GAREM1: variants seen among roughly 807,000 people sequenced by gnomAD.
GAREM1 encodes the protein GRB2-associated and regulator of MAPK protein 1.
Under a neutral mutation model 71.3 loss-of-function variants are expected in GAREM1, and 26 were observed. The observed-to-expected ratio is 0.36, with a 90% CI of 0.27 to 0.51. GAREM1 has a LOEUF of 0.51. GAREM1 is among the 20% of genes least tolerant of loss of function. The pLI, the probability that GAREM1 is intolerant of heterozygous loss-of-function variation, is 0.95. For missense variants in GAREM1, 1,026 were observed against 1,103.1 expected (o/e 0.93, Z 0.99); for synonymous variants, 440 against 433.2 (o/e 1.02, Z -0.20).
intron 2 of GAREM1, among the ~76,000 whole-genome samples, chr18:32,345,559 A>G (rs1405747082): frequency 1.3e-5 from 2 of 152,222 alleles, no homozygotes; most frequent in African/African-American, 2.4e-5. Flanking sequence ...TCTCTCTACA[A>G]CCTTGATAAG....
Position 32,391,141 on chromosome 18 carries a change from C to T in GAREM1, c.262+1754G>A, listed in dbSNP as rs560657429. On this transcript the variant is annotated intron_variant, in intron 2 of 5. Transcript: ENST00000269209. ...CACATCAGGAGACCATGTGGGGCTG[C>T]GGAGGACGGCTGAACCCTCCTGATG... Among the ~76,000 whole-genome samples, 14 of 152,228 alleles carry T rather than the reference C, an allele frequency of 9.2e-5. No homozygotes were observed. In the South Asian group the frequency reaches 1.2e-3, roughly 14 times the overall value.
intron 1 of GAREM1, among the ~76,000 whole-genome samples, chr18:32,439,538 T>C (rs1321528478): frequency 7.9e-5 from 12 of 152,134 alleles, no homozygotes; most frequent in Non-Finnish European, 7.4e-5. Flanking sequence ...ACATAGCAGA[T>C]TGACAACCCT....
chr18:32,393,186 T>C, intron 1 of GAREM1, 151 bp from the exon 2 acceptor site: 1 of 704,532 alleles, frequency 1.4e-6, no homozygotes, highest in Non-Finnish European at 2.2e-6. Context: ...AATTGTTTTT[T>C]TTTTTTTTTT....
intron 3 of GAREM1, among the ~76,000 whole-genome samples, chr18:32,305,858 C>T (rs913328739): frequency 3.3e-5 from 5 of 152,164 alleles, no homozygotes; most frequent in African/African-American, 1.2e-4. Flanking sequence ...ACCTGTCACT[C>T]ACTCTAGGGC....
chr18:32,286,913 A>G, intron 4 of GAREM1, 118 bp downstream of exon 4: 1 of 736,842 alleles, frequency 1.4e-6, no homozygotes, highest in Non-Finnish European at 2.3e-6. Flanking sequence ...ACTCCAAACT[A>G]AACAAATTTG....
At chr18:32,381,569 T>C (rs1384870263) in intron 2 of GAREM1, among the ~76,000 whole-genome samples, 1 of 152,176 alleles carries the variant, frequency 6.6e-6, no homozygotes. Flanking sequence ...GATCAGGTGT[T>C]CATTATCTTT....
chr18:32,311,285 G>C (rs1477793631), intron 2 of GAREM1, among the ~76,000 whole-genome samples: 1 of 152,076 alleles, frequency 6.6e-6, no homozygotes, highest in Admixed American at 6.5e-5. Context: ...AACTTAAAAG[G>C]AATTAAAAGC....
intron 2 of GAREM1, among the ~76,000 whole-genome samples, chr18:32,328,830 T>C (rs142276156): frequency 7.2e-4 from 110 of 152,310 alleles, no homozygotes; most frequent in African/African-American, 2.6e-3. Context: ...AAGGATTTTC[T>C]GTTCAATTAA....
In GAREM1 at chr18:32,470,829, T is replaced by A. The variant is rs2049048172; in HGVS notation, c.-401A>T. 3.3e-5 allele frequency among the ~76,000 whole-genome samples: 5 copies of A among 149,892 alleles called. No homozygotes were observed. Among genetic ancestry groups the A allele is most frequent in the Admixed American group, 3.3e-4 (5 of 15,090 alleles). Reference sequence around the variant, plus strand: ...CCTCCTTCCCTCCGCCTCGAGCGTGTGAGGAGGAGCCGCGGGTCTGAGAAA... The same window carrying A: ...CCTCCTTCCCTCCGCCTCGAGCGTGAGAGGAGGAGCCGCGGGTCTGAGAAA... On this transcript the variant is annotated 5_prime_UTR_variant, in exon 1 of 6. Transcript: ENST00000269209. The surrounding 1 kb of genome is among the most constrained non-coding windows in gnomAD (Gnocchi z 4.4).
chr18:32,461,589 G>A (rs1037833715), intron 1 of GAREM1, among the ~76,000 whole-genome samples: 2 of 152,042 alleles, frequency 1.3e-5, no homozygotes, highest in African/African-American at 4.8e-5. Context: ...CAGTTACTCG[G>A]GAAGCTGAGG....
At chr18:32,419,601 G>A (rs2048501345) in intron 1 of GAREM1, among the ~76,000 whole-genome samples, 1 of 152,158 alleles carries the variant, frequency 6.6e-6, no homozygotes, top group African/African-American at 2.4e-5. Context: ...TTGTTTATAA[G>A]CCACCTGGTC....
At chr18:32,369,790 T>C (rs2047959339) in intron 2 of GAREM1, among the ~76,000 whole-genome samples, 1 of 152,170 alleles carries the variant, frequency 6.6e-6, no homozygotes, top group South Asian at 2.1e-4. Context: ...TCTGACACAA[T>C]CATCATCATT....
chr18:32,270,264 G>C lies in GAREM1; in HGVS notation c.1686C>G (p.Arg562=). Reference sequence around the variant, plus strand: ...AGTAGGACAAGGTGGGGCTGGGAGAGCGAGTCTGTTGCCGCGCTGGCTTGA... The same window carrying C: ...AGTAGGACAAGGTGGGGCTGGGAGACCGAGTCTGTTGCCGCGCTGGCTTGA... ...RTVKPARQQT[R]SPSPTLSYYS... The change falls in exon 5 of 6, where the codon CGC becomes CGG. Residue 562 remains arginine, a synonymous_variant. Coordinates refer to ENST00000269209, the MANE Select transcript of GAREM1 (RefSeq NM_001242409.2). 1 of 1,614,040 alleles carries C rather than the reference G, an allele frequency of 6.2e-7. No individual in the cohort carries two copies. The highest frequency in any genetic ancestry group is 8.5e-7 in the Non-Finnish European group (1 of 1,179,980).
chr18:32,440,530 T>C (rs1417600319), intron 1 of GAREM1, among the ~76,000 whole-genome samples: 3 of 152,242 alleles, frequency 2.0e-5, no homozygotes, highest in African/African-American at 7.2e-5. Context: ...TTAAGAAATC[T>C]CAGCCTTTGA....
intron 1 of GAREM1, among the ~76,000 whole-genome samples, chr18:32,399,913 C>G: frequency 6.6e-6 from 1 of 152,198 alleles, no homozygotes; most frequent in Non-Finnish European, 1.5e-5. Context: ...CGCTACCTGA[C>G]TTCAAACTAT....
In GAREM1 at chr18:32,416,033, T is replaced by G. The variant is rs1045331750; in HGVS notation, c.122-22998A>C. Among the ~76,000 whole-genome samples the G allele has an allele frequency of 5.3e-5, 8 of 152,196 alleles. No homozygotes were observed. The Middle Eastern group carries it at 0.014, about 259-fold the overall frequency. On this transcript the variant is annotated intron_variant, in intron 1 of 5. Transcript: ENST00000269209. ...AAACAAATTTGGTAAAGTTCCAGGA[T>G]ACAAAATCAACATACAAAAATCAAT...
intron 2 of GAREM1, among the ~76,000 whole-genome samples, chr18:32,388,544 A>G (rs1014414071): frequency 1.3e-5 from 2 of 152,194 alleles, no homozygotes; most frequent in African/African-American, 4.8e-5. Flanking sequence ...TACGTTAACC[A>G]AGTGATCAAA....
At chr18:32,454,177 T>C (rs555846208) in intron 1 of GAREM1, among the ~76,000 whole-genome samples, 3 of 152,238 alleles carry the variant, frequency 2.0e-5, no homozygotes, top group African/African-American at 7.2e-5. Flanking sequence ...CACCCTGTAT[T>C]GGGACATTCA....
chr18:32,426,168 G>A (rs1020289213), intron 1 of GAREM1, among the ~76,000 whole-genome samples: 10 of 151,992 alleles, frequency 6.6e-5, no homozygotes, highest in East Asian at 1.9e-4. Flanking sequence ...ACAAGCACAC[G>A]CCACCACGCC....
Sources: allele counts gnomAD v4.1 joint callset (sites outside exome capture counted in the v4.1 genomes callset), GRCh38; gene constraint gnomAD v4.1.1; non-coding constraint Gnocchi (gnomAD v3.1); transcripts MANE v1.5; gene names NCBI Gene and HGNC (gene_info 2026-07-23, HGNC 2026-07-21).